Variants in PTPRJ observed in about 807,000 individuals in gnomAD.
PTPRJ encodes protein tyrosine phosphatase receptor type J, also known as receptor-type tyrosine-protein phosphatase eta.
PTPRJ carries 129 observed loss-of-function variants against 141.3 expected under a neutral mutation model. The ratio of observed to expected loss-of-function variants is 0.91; its 90% CI spans 0.79 to 1.06. The LOEUF (loss-of-function observed/expected upper bound fraction) is 1.06. Ranked by LOEUF, PTPRJ falls within the 50% of genes least tolerant of loss-of-function variation. The probability of loss-of-function intolerance (pLI) is 0.00; values close to 1 mark genes in which losing one functional copy is unlikely to be tolerated. For missense variants in PTPRJ, 1,601 were observed against 1,679.7 expected (o/e 0.95, Z 0.82); for synonymous variants, 610 against 640.5 (o/e 0.95, Z 0.72).
chr11:48,063,956 A>G (rs1427960330), intron 1 of PTPRJ, among the ~76,000 whole-genome samples: 1 of 151,100 alleles, frequency 6.6e-6, no homozygotes, highest in African/African-American at 2.4e-5. Flanking sequence ...TTTTAAAAAG[A>G]GCTCATATTT....
At chr11:48,140,119 C>T (rs181549990) in intron 11 of PTPRJ, among the ~76,000 whole-genome samples, 1 of 152,316 alleles carries the variant, frequency 6.6e-6, no homozygotes, top group Non-Finnish European at 1.5e-5. Flanking sequence ...ACTGCAACCT[C>T]TGCTTCCTGG....
chr11:48,060,573 C>A (rs1854893414), intron 1 of PTPRJ, among the ~76,000 whole-genome samples: 1 of 152,164 alleles, frequency 6.6e-6, no homozygotes, highest in Non-Finnish European at 1.5e-5. Context: ...ATGGCAGATT[C>A]TTTTAGGGGC....
At chr11:48,019,538 G>A (rs1855052987) in intron 1 of PTPRJ, among the ~76,000 whole-genome samples, 1 of 152,198 alleles carries the variant, frequency 6.6e-6, no homozygotes, top group Non-Finnish European at 1.5e-5. Context: ...GTGAAAAAAT[G>A]TGGTGGACAT....
chr11:48,109,484 A>G (rs891801576), intron 1 of PTPRJ, among the ~76,000 whole-genome samples: 2 of 152,128 alleles, frequency 1.3e-5, no homozygotes, highest in Non-Finnish European at 2.9e-5. Flanking sequence ...ATTCTTCCCA[A>G]AGCTGCTTGA....
intron 1 of PTPRJ, among the ~76,000 whole-genome samples, chr11:48,033,369 C>G (rs1232189637): frequency 6.6e-6 from 1 of 152,022 alleles, no homozygotes; most frequent in Non-Finnish European, 1.5e-5. Flanking sequence ...GAGCCCGGAG[C>G]TGAGGGAGGA....
At chr11:47,990,341 C>A (rs1321624834) in intron 1 of PTPRJ, among the ~76,000 whole-genome samples, 1 of 152,128 alleles carries the variant, frequency 6.6e-6, no homozygotes, top group African/African-American at 2.4e-5. Flanking sequence ...GAGAGGTATT[C>A]CATTTACTGA....
At chr11:48,027,504 G>T (rs1853850036) in intron 1 of PTPRJ, among the ~76,000 whole-genome samples, 1 of 151,872 alleles carries the variant, frequency 6.6e-6, no homozygotes, top group African/African-American at 2.4e-5. Context: ...TAAAACTTCA[G>T]TGTCGTCTGG....
At chr11:48,018,008 G>A (rs192095877) in intron 1 of PTPRJ, among the ~76,000 whole-genome samples, 1 of 152,212 alleles carries the variant, frequency 6.6e-6, no homozygotes, top group African/African-American at 2.4e-5. Context: ...GGAGATGAAT[G>A]TGTATGCATG....
At position 48,112,905 on chromosome 11, in the gene PTPRJ, G is replaced by A; in HGVS notation, c.274G>A (p.Ala92Thr). 1 of 1,614,182 alleles carries A rather than the reference G, an allele frequency of 6.2e-7. No homozygotes were observed. Among genetic ancestry groups the A allele is most frequent in the Non-Finnish European group, 8.5e-7 (1 of 1,180,030 alleles). ...NTSEDGESSGANDSLRTPEQG... is the reference protein window; with the variant it reads ...NTSEDGESSGTNDSLRTPEQG... ...CAGTGAGGATGGTGAAAGCTCTGGA[G>A]CCAACGATAGTTTAAGAACACCTGA... Residue 92 changes from alanine to threonine, a missense_variant, in exon 3 of 25, where the codon GCC becomes ACC. Transcript: ENST00000418331.
chr11:48,062,194 C>T (rs1328583473), intron 1 of PTPRJ, among the ~76,000 whole-genome samples: 3 of 151,568 alleles, frequency 2.0e-5, no homozygotes, highest in East Asian at 2.0e-4. Context: ...CTACCATGCC[C>T]GGCCAAACTT....
At chr11:48,156,243 T>C (rs1857596586) in intron 21 of PTPRJ, 124 bp downstream of exon 21, 1 of 793,676 alleles carries the variant, frequency 1.3e-6, no homozygotes, top group Non-Finnish European at 1.9e-6. Flanking sequence ...TTTATTCTTA[T>C]AAACTTGTTT....
At chr11:48,004,320 A>G (rs1854572369) in intron 1 of PTPRJ, among the ~76,000 whole-genome samples, 1 of 152,040 alleles carries the variant, frequency 6.6e-6, no homozygotes, top group Non-Finnish European at 1.5e-5. Flanking sequence ...CCTTTCTTCA[A>G]CTTCACACCT....
chr11:48,056,804 A>G (rs547621515), intron 1 of PTPRJ, among the ~76,000 whole-genome samples: 1 of 152,278 alleles, frequency 6.6e-6, no homozygotes, highest in African/African-American at 2.4e-5. Context: ...ATACAAAAGA[A>G]TTAGCTGGGT....
intron 1 of PTPRJ, among the ~76,000 whole-genome samples, chr11:48,006,679 C>G (rs960576299): frequency 6.6e-6 from 1 of 152,178 alleles, no homozygotes; most frequent in Non-Finnish European, 1.5e-5. Context: ...CCAGTGAGGT[C>G]TTTCTGGGTC....
chr11:48,132,886 T>C (rs1219595747), intron 8 of PTPRJ, among the ~76,000 whole-genome samples: 2 of 152,188 alleles, frequency 1.3e-5, no homozygotes, highest in Non-Finnish European at 2.9e-5. Context: ...TGAAATGCAG[T>C]ATTCCCTTTG....
chr11:48,033,551 A>G (rs896057757), intron 1 of PTPRJ, among the ~76,000 whole-genome samples: 1 of 152,142 alleles, frequency 6.6e-6, no homozygotes, highest in Non-Finnish European at 1.5e-5. Context: ...TCTAATCTGT[A>G]TCTGCGCATA....
chr11:48,167,285 A>C lies in PTPRJ; in HGVS notation c.3937A>C (p.Asn1313His). 1 of 1,613,598 alleles carries C rather than the reference A, an allele frequency of 6.2e-7. No individual in the cohort carries two copies. The highest frequency in any genetic ancestry group is 8.5e-7 in the Non-Finnish European group (1 of 1,179,516). ...KDSKVDLIYQNTTAMTIYENL... is the reference protein window; with the variant it reads ...KDSKVDLIYQHTTAMTIYENL... The stretch of plus-strand genomic sequence containing the variant: ...CTCAAAAGTAGATCTTATCTACCAG[A>C]ACACAACTGCAATGACAATCTATGA... The change falls in exon 25 of 25, where the codon AAC becomes CAC. Residue 1313 changes from asparagine (N) to histidine (H), a missense_variant. Physicochemically the swap from Asn to His is moderately conservative, Grantham distance 68. Transcript: ENST00000418331.
rs763010146 is a variant in PTPRJ at position 48,110,075 on chromosome 11, C to CA, written c.115dup (p.Thr39AsnfsTer3). 6.2e-7 allele frequency: 1 copy of CA among 1,613,722 alleles called. No homozygotes were observed. The highest frequency in any genetic ancestry group is 8.5e-7 in the Non-Finnish European group (1 of 1,179,616). ...TGTTTCAGATCCTGTGCGCAGGTGG[C>CA]AGTGAGTACCCTTTTCCTCTCTATT... On this transcript the variant is annotated frameshift_variant and splice_region_variant, in exon 2 of 25. Coordinates refer to ENST00000418331, the MANE Select transcript of PTPRJ (RefSeq NM_002843.4). LOFTEE classifies it high-confidence loss of function.
chr11:48,033,846 G>T (rs1163484290), intron 1 of PTPRJ, among the ~76,000 whole-genome samples: 1 of 152,208 alleles, frequency 6.6e-6, no homozygotes, highest in African/African-American at 2.4e-5. Flanking sequence ...GACACCTACC[G>T]GAAGTCTTTG....
Sources: gnomAD v4.1 joint callset for allele counts (sites outside exome capture counted in the v4.1 genomes callset) on GRCh38, gnomAD v4.1.1 for gene constraint, MANE v1.5 for transcripts, NCBI Gene and HGNC (gene_info 2026-07-23, HGNC 2026-07-21) for gene names.